Variants in RAD18 observed in about 807,000 individuals in gnomAD.
RAD18 encodes RAD18 E3 ubiquitin protein ligase.
A neutral mutation model predicts 60.4 loss-of-function variants in RAD18; 47 were observed. The observed-to-expected ratio is 0.78, with a 90% CI of 0.62 to 0.99. RAD18 has a LOEUF of 0.99. RAD18 is among the 50% of genes least tolerant of loss of function. The pLI, the probability that RAD18 is intolerant of heterozygous loss-of-function variation, is 0.00. For synonymous variants in RAD18, 225 were observed against 195.5 expected, an observed-to-expected ratio of 1.15 and a Z score of -1.26; for missense variants, 640 against 593.3, an observed-to-expected ratio of 1.08 and a Z score of -0.82.
chr3:8,920,713 T>A (rs566362442), intron 7 of RAD18, among the ~76,000 whole-genome samples: 90 of 152,216 alleles, frequency 5.9e-4, no homozygotes, highest in Non-Finnish European at 1.1e-3. Flanking sequence ...TCTGCCAGAA[T>A]GAGAAGATTT....
At chr3:8,959,701 C>G (rs560781323) in intron 1 of RAD18, among the ~76,000 whole-genome samples, 103 of 152,292 alleles carry the variant, frequency 6.8e-4, no homozygotes, top group African/African-American at 2.2e-3. Context: ...CGGAACTACT[C>G]TGGCAACCTA....
At chr3:8,924,626 A>G (rs1430483693) in intron 7 of RAD18, among the ~76,000 whole-genome samples, 9 of 133,838 alleles carry the variant, frequency 6.7e-5, no homozygotes, top group African/African-American at 2.5e-4. Context: ...TCAGCACCAC[A>G]TCACACTTAT....
In RAD18 at chr3:8,902,509, T is replaced by C. The variant is rs2125051174; in HGVS notation, c.1039A>G (p.Lys347Glu). ...EIHSKYRKKH[K>E]SEFQLLVDQA... ...TCCACCAGAAGCTGAAATTCACTCTTATGTTTTTTACCTGAAATTCAAAAG... is the reference window on the plus strand; with the variant it reads ...TCCACCAGAAGCTGAAATTCACTCTCATGTTTTTTACCTGAAATTCAAAAG... The change falls in exon 10 of 13, where the codon AAG (lysine) becomes GAG (glutamate). Residue 347 changes from lysine to glutamate, a missense_variant. Transcript: ENST00000264926. 1.2e-6 allele frequency: 2 copies of C among 1,601,702 alleles called. No individual in the cohort carries two copies. The highest frequency in any genetic ancestry group is 4.5e-5 in the East Asian group (2 of 44,676).
chr3:8,898,184 G>C (rs910211709), intron 11 of RAD18, among the ~76,000 whole-genome samples: 10 of 152,102 alleles, frequency 6.6e-5, no homozygotes, highest in African/African-American at 2.2e-4. Context: ...AAACTGAAGG[G>C]TCTGGTAAAT....
At chr3:8,962,404 C>T (rs1482048588) in intron 1 of RAD18, among the ~76,000 whole-genome samples, 2 of 152,208 alleles carry the variant, frequency 1.3e-5, no homozygotes, top group Non-Finnish European at 2.9e-5. Context: ...TCCCCAAGCA[C>T]TCTAGACGTC....
At chr3:8,896,203 T>C (rs971028684) in intron 11 of RAD18, among the ~76,000 whole-genome samples, 1 of 152,230 alleles carries the variant, frequency 6.6e-6, no homozygotes, top group Non-Finnish European at 1.5e-5. Context: ...TCTGAAAAAC[T>C]TGTATTTAAT....
In RAD18 at chr3:8,947,213, A is replaced by G. The variant is rs1171919670; in HGVS notation, c.266+7T>C. The G allele has an allele frequency of 6.3e-7, 1 of 1,588,880 alleles. No individual in the cohort carries two copies. The highest frequency in any genetic ancestry group is 8.6e-7 in the Non-Finnish European group (1 of 1,157,872). The stretch of plus-strand genomic sequence containing the variant: ...AGTTAGAGGTTAGTCACAAAATTAA[A>G]TCATACCGTGCAAAATTCAAGCTTT... On this transcript the variant is annotated splice_region_variant and intron_variant, in intron 4 of 12. Coordinates refer to ENST00000264926, the MANE Select transcript of RAD18 (RefSeq NM_020165.4).
intron 7 of RAD18, among the ~76,000 whole-genome samples, chr3:8,923,449 G>GA (rs1416033112): frequency 6.6e-6 from 1 of 152,174 alleles, no homozygotes; most frequent in Non-Finnish European, 1.5e-5. Flanking sequence ...TGGTGTACCT[G>GA]AAAGTGACGG....
intron 8 of RAD18, among the ~76,000 whole-genome samples, chr3:8,913,110 C>T (rs1940131229): frequency 1.3e-5 from 2 of 152,276 alleles, no homozygotes. Flanking sequence ...CTATTTTCTT[C>T]ACTGGTATCC....
chr3:8,950,275 A>T (rs1940907295), intron 2 of RAD18, among the ~76,000 whole-genome samples: 1 of 152,030 alleles, frequency 6.6e-6, no homozygotes, highest in Non-Finnish European at 1.5e-5. Flanking sequence ...ACCATAGGTG[A>T]CCGCCCACCT....
chr3:8,913,663 G>A lies in RAD18; in HGVS notation c.947C>T (p.Ala316Val). Residue 316 changes from alanine (A) to valine (V), a missense_variant, in exon 8 of 13, where the codon GCT becomes GTT. Ala to Val is a moderately conservative substitution (Grantham distance 64). Transcript: ENST00000264926. ...ACATACACTTTCATTGAGTTTACTAGCTTCAAGACGCATCCTAGTCTTCTC... is the reference window on the plus strand; with the variant it reads ...ACATACACTTTCATTGAGTTTACTAACTTCAAGACGCATCCTAGTCTTCTC... ...NIEKTRMRLEASKLNESVMVF... is the reference protein window; with the variant it reads ...NIEKTRMRLEVSKLNESVMVF... 6.4e-7 allele frequency: 1 copy of A among 1,567,134 alleles called. No homozygotes were observed. Among genetic ancestry groups the A allele is most frequent in the Non-Finnish European group, 8.7e-7 (1 of 1,154,400 alleles).
rs1032059232 is a variant in RAD18, at chr3:8,963,200, G to C, written c.51+135C>G. The C allele has an allele frequency of 7.0e-6, 7 of 993,204 alleles. No individual in the cohort carries two copies. In the African/African-American group the frequency reaches 1.2e-4, roughly 17 times the overall value. 61.5% of individuals were successfully genotyped at this position (993,204 alleles called of 1,614,324 possible). On this transcript the variant is annotated intron_variant, in intron 1 of 12. Transcript: ENST00000264926. ...GAGCCACGCGGTCGGCTAGTGGCAG[G>C]GCAGAGCCGGATACCCGGGCCCAGT... is the stretch of plus-strand genomic sequence containing the variant.
At position 8,941,572 on chromosome 3, in the gene RAD18, C is replaced by G; in HGVS notation, c.499G>C (p.Ala167Pro). Residue 167 changes from alanine to proline, a missense_variant, in exon 5 of 13, where the codon GCA becomes CCA. By Grantham distance (27) the Ala-to-Pro change is conservative. Coordinates refer to ENST00000264926, the MANE Select transcript of RAD18 (RefSeq NM_020165.4). ...ACAGAACGTGTCTCTTTGGTCTTTG[C>G]AGCAGGGCTCGCCTCTTTTTGAGGG... is the stretch of plus-strand genomic sequence containing the variant. ...FSPQKEASPA[A>P]KTKETRSVEE... 1 of 1,614,100 alleles carries G rather than the reference C, an allele frequency of 6.2e-7. No individual in the cohort carries two copies. Among genetic ancestry groups the G allele is most frequent in the Non-Finnish European group, 8.5e-7 (1 of 1,179,986 alleles).
chr3:8,887,076 T>TA (rs1382162181), intron 12 of RAD18, among the ~76,000 whole-genome samples: 1 of 151,992 alleles, frequency 6.6e-6, no homozygotes, highest in Non-Finnish European at 1.5e-5. Flanking sequence ...CCTGCAGGAG[T>TA]AAGCAGTGGC....
rs139263799 is a variant in RAD18 at position 8,939,190 on chromosome 3, T to C, written c.704+364A>G. On this transcript the variant is annotated intron_variant, in intron 6 of 12. Coordinates refer to ENST00000264926, the MANE Select transcript of RAD18 (RefSeq NM_020165.4). ...ATCCTAAAGATCAGAGAAAGGTTTT[T>C]TATATCTTATATTCAGAGTCTAACC... is the stretch of plus-strand genomic sequence containing the variant. Among the ~76,000 whole-genome samples the C allele has an allele frequency of 7.4e-3, 1,132 of 152,256 alleles. 18 individuals are homozygous for C. Among genetic ancestry groups the C allele is most frequent in the African/African-American group, 0.026 (1,067 of 41,556 alleles).
At chr3:8,960,751 A>C (rs1941083597) in intron 1 of RAD18, among the ~76,000 whole-genome samples, 1 of 152,216 alleles carries the variant, frequency 6.6e-6, no homozygotes, top group Non-Finnish European at 1.5e-5. Flanking sequence ...TTGACTCCAC[A>C]GTGATCCCAA....
rs141788084 is a variant in RAD18, at chr3:8,941,640, G to A, written c.431C>T (p.Ser144Phe). 228 of 1,613,986 alleles carry A rather than the reference G, an allele frequency of 1.4e-4. No individual in the cohort carries two copies. The highest frequency in any genetic ancestry group is 1.8e-4 in the Non-Finnish European group (216 of 1,180,020). ...TTCTTTTATCAACAACTCTGATGTA[G>A]AACCACTCATTTCTCTGATCAAGAA... The part of the protein sequence containing the change: ...DNFLIREMSG[S>F]TSELLIKENK... The change falls in exon 5 of 13, where the codon TCT (serine) becomes TTT (phenylalanine). Residue 144 changes from serine (S) to phenylalanine (F), a missense_variant. By Grantham distance (155) the Ser-to-Phe change is radical. Transcript: ENST00000264926.
At chr3:8,912,053 T>G (rs1455525995) in intron 9 of RAD18, among the ~76,000 whole-genome samples, 2 of 152,200 alleles carry the variant, frequency 1.3e-5, no homozygotes, top group African/African-American at 4.8e-5. Context: ...ACAGAAATGC[T>G]TTGAGAGCAG....
chr3:8,923,880 C>A (rs967054321), intron 7 of RAD18, among the ~76,000 whole-genome samples: 14 of 152,182 alleles, frequency 9.2e-5, no homozygotes, highest in Non-Finnish European at 2.1e-4. Context: ...ATTCTGTTAC[C>A]ACCAGGCCTG....
Sources: allele counts gnomAD v4.1 joint callset (sites outside exome capture counted in the v4.1 genomes callset), GRCh38; gene constraint gnomAD v4.1.1; transcripts MANE v1.5; gene names NCBI Gene and HGNC (gene_info 2026-07-23, HGNC 2026-07-21).